Variants in RPS6KA2 observed in about 807,000 individuals in gnomAD.
RPS6KA2 encodes ribosomal protein S6 kinase A2.
RPS6KA2 carries 42 observed loss-of-function variants against 91.8 expected under a neutral mutation model. The ratio of observed to expected loss-of-function variants is 0.46; its 90% CI spans 0.36 to 0.59. The LOEUF (loss-of-function observed/expected upper bound fraction) is 0.59. Among genes scored for constraint, RPS6KA2 ranks in the 20% least tolerant of loss-of-function variants. The pLI, the probability that RPS6KA2 is intolerant of heterozygous loss-of-function variation, is 0.00. For missense variants in RPS6KA2, 798 were observed against 978.5 expected (o/e 0.82, Z 2.46); for synonymous variants, 414 against 393.6 (o/e 1.05, Z -0.61).
At chr6:166,792,315 G>A (rs1426661647) in intron 2 of RPS6KA2, among the ~76,000 whole-genome samples, 8 of 152,110 alleles carry the variant, frequency 5.3e-5, no homozygotes, top group African/African-American at 9.7e-5. Flanking sequence ...AAGAAGTTGA[G>A]TCCCTGAATA....
At chr6:166,657,907 G>A (rs974125231) in intron 2 of RPS6KA2, among the ~76,000 whole-genome samples, 7 of 152,014 alleles carry the variant, frequency 4.6e-5, no homozygotes, top group East Asian at 1.9e-4. Context: ...TTTTTGAGAC[G>A]GAGTCTCACC....
At chr6:166,800,056 T>A (rs1583133302) in intron 2 of RPS6KA2, among the ~76,000 whole-genome samples, 1 of 152,356 alleles carries the variant, frequency 6.6e-6, no homozygotes, top group East Asian at 1.9e-4. Context: ...CCAGGTATTT[T>A]TTTTGTTTCT....
chr6:166,627,289 A>G (rs1309604211), upstream of RPS6KA2: 3 of 910,030 alleles, frequency 3.3e-6, no homozygotes, highest in East Asian at 1.1e-4. Context: ...CACCACGCCC[A>G]CCACCACTAC....
intron 2 of RPS6KA2, among the ~76,000 whole-genome samples, chr6:166,649,040 C>T (rs1379034149): frequency 6.6e-6 from 1 of 152,200 alleles, no homozygotes; most frequent in Non-Finnish European, 1.5e-5. Context: ...ACTGCTCTGC[C>T]CTTCAATCAT....
intron 1 of RPS6KA2, among the ~76,000 whole-genome samples, chr6:166,564,496 G>A (rs759162589): frequency 5.3e-5 from 8 of 152,086 alleles, no homozygotes; most frequent in Admixed American, 2.6e-4. Flanking sequence ...TCCGCCCCAC[G>A]CCTCCCCTTT....
At chr6:166,724,887 C>T (rs1029697194) in intron 2 of RPS6KA2, among the ~76,000 whole-genome samples, 9 of 152,192 alleles carry the variant, frequency 5.9e-5, no homozygotes, top group South Asian at 2.1e-4. Context: ...TCTCCACTTG[C>T]ATTTTTGGTT....
chr6:166,476,868 G>A (rs779055578), intron 10 of RPS6KA2, among the ~76,000 whole-genome samples: 6 of 152,168 alleles, frequency 3.9e-5, no homozygotes, highest in Non-Finnish European at 8.8e-5. Context: ...TCAACACAGG[G>A]GCAGCTGGAG....
intron 1 of RPS6KA2, among the ~76,000 whole-genome samples, chr6:166,559,136 C>T (rs764238675): frequency 5.4e-4 from 82 of 152,122 alleles, no homozygotes; most frequent in East Asian, 7.7e-4. Context: ...TATGACACAC[C>T]GGAACTACTG....
In RPS6KA2 at chr6:166,451,215, G is replaced by A. The variant is rs746616311; in HGVS notation, c.1094C>T (p.Pro365Leu). The stretch of plus-strand genomic sequence containing the variant: ...AAACAGGTGATGAGCGTTTGCACTC[G>A]GGGGGACGCCAGGAGAGTCTGTAGG... Reference protein sequence around the residue: ...RTPTDSPGVPPSANAHHLFRG... With the variant: ...RTPTDSPGVPLSANAHHLFRG... The change falls in exon 13 of 21, where the codon CCG becomes CTG. Residue 365 changes from proline to leucine, a missense_variant. Pro to Leu is a moderately conservative substitution (Grantham distance 98). Transcript: ENST00000265678. 31 of 1,613,488 alleles carry A rather than the reference G, an allele frequency of 1.9e-5. No individual in the cohort carries two copies. Among genetic ancestry groups the A allele is most frequent in the Admixed American group, 5.0e-5 (3 of 59,980 alleles).
At chr6:166,686,402 A>G (rs1427238686) in intron 2 of RPS6KA2, among the ~76,000 whole-genome samples, 1 of 152,086 alleles carries the variant, frequency 6.6e-6, no homozygotes, top group East Asian at 1.9e-4. Flanking sequence ...AGGTGAAATG[A>G]CCCAGAACAA....
At chr6:166,694,723 C>A (rs1027014841) in intron 2 of RPS6KA2, among the ~76,000 whole-genome samples, 1 of 152,228 alleles carries the variant, frequency 6.6e-6, no homozygotes, top group African/African-American at 2.4e-5. Context: ...CTAGTCGAAT[C>A]TACTGTTGTT....
intron 2 of RPS6KA2, among the ~76,000 whole-genome samples, chr6:166,841,892 C>T (rs1021732648): frequency 1.3e-5 from 2 of 152,146 alleles, no homozygotes; most frequent in African/African-American, 2.4e-5. Context: ...AATTGGTCCC[C>T]GCTATGACCA....
At chr6:166,630,070 C>A (rs1787026496), upstream of RPS6KA2, among the ~76,000 whole-genome samples, 1 of 152,160 alleles carries the variant, frequency 6.6e-6, no homozygotes, top group Admixed American at 6.5e-5. Context: ...ATGGCCTTTG[C>A]TCTGAACCCC....
At chr6:166,628,774 C>G (rs887595505), upstream of RPS6KA2, among the ~76,000 whole-genome samples, 1 of 152,240 alleles carries the variant, frequency 6.6e-6, no homozygotes, top group Admixed American at 6.5e-5. Context: ...TCTCACCTCC[C>G]TTACTGGATA....
chr6:166,739,670 C>T (rs1180558751), intron 2 of RPS6KA2, among the ~76,000 whole-genome samples: 6 of 152,254 alleles, frequency 3.9e-5, no homozygotes. Context: ...ACCAATCACA[C>T]TCTGCAAATC....
At chr6:166,417,645 A>ACACACACG (rs1170897370) in intron 19 of RPS6KA2, among the ~76,000 whole-genome samples, 1 of 152,032 alleles carries the variant, frequency 6.6e-6, no homozygotes, top group Non-Finnish European at 1.5e-5. Context: ...ACACACACAC[A>ACACACACG]CACACACGCA....
At chr6:166,465,056 G>C (rs1319282596) in intron 11 of RPS6KA2, among the ~76,000 whole-genome samples, 1 of 152,216 alleles carries the variant, frequency 6.6e-6, no homozygotes. Context: ...GAGAGCAGCA[G>C]AAAGCAAAAT....
chr6:166,473,300 C>G (rs897418086), intron 10 of RPS6KA2, among the ~76,000 whole-genome samples: 4 of 152,052 alleles, frequency 2.6e-5, no homozygotes, highest in African/African-American at 9.7e-5. Flanking sequence ...AGGTGATCCT[C>G]CCAGCTCAGT....
intron 2 of RPS6KA2, among the ~76,000 whole-genome samples, chr6:166,659,174 G>GT (rs143989662): frequency 5.5e-5 from 4 of 72,350 alleles, no homozygotes; most frequent in African/African-American, 2.4e-4. Flanking sequence ...AAATGAGCAT[G>GT]AAGTCAGACA....
Sources: allele counts gnomAD v4.1 joint callset (sites outside exome capture counted in the v4.1 genomes callset), GRCh38; gene constraint gnomAD v4.1.1; transcripts MANE v1.5; gene names NCBI Gene and HGNC (gene_info 2026-07-23, HGNC 2026-07-21).